The following LY75 variants were observed in gnomAD, a reference collection of about 807,000 sequenced individuals.
The protein encoded by LY75 is lymphocyte antigen 75.
Under a neutral mutation model 231.7 loss-of-function variants are expected in LY75, and 185 were observed. The observed-to-expected ratio is 0.80, with a 90% CI of 0.71 to 0.90. The LOEUF (loss-of-function observed/expected upper bound fraction) is 0.90. Among genes scored for constraint, LY75 ranks in the 40% least tolerant of loss-of-function variants. The probability of loss-of-function intolerance (pLI) is 0.00; values close to 1 mark genes in which losing one functional copy is unlikely to be tolerated. For missense variants in LY75, 1,947 were observed against 2,050.2 expected (o/e 0.95, Z 0.97); for synonymous variants, 668 against 689.0 (o/e 0.97, Z 0.48).
At position 159,853,260 on chromosome 2, in the gene LY75, G is replaced by T. The variant is rs760470985; in HGVS notation, c.2743+13C>A. 1.9e-6 allele frequency: 3 copies of T among 1,610,000 alleles called. No individual in the cohort carries two copies. Among genetic ancestry groups the T allele is most frequent in the Non-Finnish European group, 2.5e-6 (3 of 1,177,088 alleles). On this transcript the variant is annotated intron_variant, in intron 20 of 34. Coordinates refer to ENST00000263636, the MANE Select transcript of LY75 (RefSeq NM_002349.4). ...TACATAATCAGCATTAAAGGATTTAGAATTAACTTTACCGATAAGCCAAGT... is the reference window on the plus strand; with the variant it reads ...TACATAATCAGCATTAAAGGATTTATAATTAACTTTACCGATAAGCCAAGT...
intron 34 of LY75, among the ~76,000 whole-genome samples, chr2:159,805,961 C>T (rs1458846234): frequency 3.3e-5 from 5 of 152,184 alleles, no homozygotes; most frequent in Admixed American, 1.3e-4. Context: ...CTTCCCTGAG[C>T]GCTCAGCCAA....
In LY75 at chr2:159,904,647, C is replaced by T; in HGVS notation, c.36G>A (p.Ala12=). ...RTGWATPRRP[A]GLLMLLFWFF... ...ACCAGAAGAGCAGCATGAGGAGCCC[C>T]GCCGGGCGGCGAGGGGTCGCCCAGC... is the stretch of plus-strand genomic sequence containing the variant. The change falls in exon 1 of 35, where the codon GCG becomes GCA. Residue 12 remains alanine (A), a synonymous_variant. Transcript: ENST00000263636. 1.3e-6 allele frequency: 2 copies of T among 1,493,052 alleles called. No homozygotes were observed. Among genetic ancestry groups the T allele is most frequent in the Non-Finnish European group, 1.8e-6 (2 of 1,124,130 alleles). 92.5% of individuals were successfully genotyped at this position (1,493,052 alleles called of 1,614,324 possible).
intron 11 of LY75, among the ~76,000 whole-genome samples, chr2:159,877,028 A>AGAAAG (rs1553810528): frequency 8.5e-6 from 1 of 117,096 alleles, no homozygotes; most frequent in Non-Finnish European, 1.8e-5. Context: ...AAAAAAAAAA[A>AGAAAG]AAAAAAGAAA....
At chr2:159,817,957 G>A (rs1239121234) in intron 29 of LY75, among the ~76,000 whole-genome samples, 1 of 152,154 alleles carries the variant, frequency 6.6e-6, no homozygotes, top group African/African-American at 2.4e-5. Flanking sequence ...GCTGAGGCAG[G>A]AGAATCGCTG....
intron 33 of LY75, chr2:159,807,557 G>A: frequency 1.2e-6 from 1 of 850,800 alleles, no homozygotes; most frequent in Non-Finnish European, 1.4e-6. Context: ...GGAAGAGGAA[G>A]GGTGCAGGAA....
At chr2:159,852,090 T>C in intron 21 of LY75, 111 bp downstream of exon 21, 7 of 1,421,260 alleles carry the variant, frequency 4.9e-6, no homozygotes, top group Non-Finnish European at 6.6e-6. Context: ...TCCTGAAACA[T>C]GCAGAGTCTA....
intron 18 of LY75, 39 bp from the exon 19 acceptor site, chr2:159,853,736 A>G (rs768698980): frequency 6.2e-7 from 1 of 1,611,904 alleles, no homozygotes; most frequent in East Asian, 2.2e-5. Context: ...ATATGTGCTG[A>G]GCTTTCTTGA....
intron 26 of LY75, 41 bp from the exon 27 acceptor site, chr2:159,834,252 T>C (rs147863541): frequency 1.2e-6 from 2 of 1,608,236 alleles, no homozygotes; most frequent in Non-Finnish European, 1.7e-6. Context: ...ATTTGAGATA[T>C]AAATGTTAAA....
In LY75 at chr2:159,850,789, T is replaced by TATATATATATATATATATATATATATAA. The variant is rs796940571; in HGVS notation, c.2884-323_2884-322insTTATATATATATATATATATATATATAT. Among the ~76,000 whole-genome samples, 21 of 88,658 alleles carry TATATATATATATATATATATATATATAA rather than the reference T, an allele frequency of 2.4e-4. 1 individual carries two copies. The East Asian group carries it at 4.1e-3, about 17-fold the overall frequency. 58.2% of individuals were successfully genotyped at this position (88,658 alleles called of 152,430 possible). ...TCAAACTTTCATATATATATATATA[T>TATATATATATATATATATATATATATAA]ATATATATATTATATCTTATATATA... is the stretch of plus-strand genomic sequence containing the variant. On this transcript the variant is annotated intron_variant, in intron 21 of 34. Coordinates refer to ENST00000263636, the MANE Select transcript of LY75 (RefSeq NM_002349.4).
At chr2:159,869,614 A>G (rs143319508) in intron 13 of LY75, among the ~76,000 whole-genome samples, 3 of 152,342 alleles carry the variant, frequency 2.0e-5, no homozygotes, top group African/African-American at 7.2e-5. Flanking sequence ...AAACAACCCC[A>G]CATCCAGTCA....
At position 159,898,687 on chromosome 2, in the gene LY75, C is replaced by A; in HGVS notation, c.466+1G>T. On this transcript the variant is annotated splice_donor_variant, in intron 2 of 34. Coordinates refer to ENST00000263636, the MANE Select transcript of LY75 (RefSeq NM_002349.4). LOFTEE classifies it high-confidence loss of function. Reference sequence around the variant, plus strand: ...GGTCAAAGTCCCTCTCTAATACTCACCATGATAAGGCTGGTCACAAAGGCT... The same window carrying A: ...GGTCAAAGTCCCTCTCTAATACTCAACATGATAAGGCTGGTCACAAAGGCT... The A allele has an allele frequency of 1.2e-6, 2 of 1,608,820 alleles. No homozygotes were observed. The highest frequency in any genetic ancestry group is 1.7e-6 in the Non-Finnish European group (2 of 1,175,982).
intron 13 of LY75, among the ~76,000 whole-genome samples, chr2:159,871,427 A>C (rs1685008919): frequency 6.6e-6 from 1 of 152,182 alleles, no homozygotes; most frequent in Non-Finnish European, 1.5e-5. Flanking sequence ...TCTGTTGCAC[A>C]ATGAAAATGT....
chr2:159,893,021 T>TA (rs1213396359), intron 3 of LY75, among the ~76,000 whole-genome samples: 8 of 151,802 alleles, frequency 5.3e-5, no homozygotes, highest in Admixed American at 3.3e-4. Context: ...CTTTTTTAAA[T>TA]AAAAAAAAGC....
chr2:159,854,646 T>A, intron 17 of LY75, 111 bp from the exon 18 acceptor site: 1 of 1,335,482 alleles, frequency 7.5e-7, no homozygotes. Context: ...TTACCGGCCC[T>A]CTCTGGCTGG....
At chr2:159,824,028 A>C (rs1574531158) in intron 28 of LY75, among the ~76,000 whole-genome samples, 1 of 152,236 alleles carries the variant, frequency 6.6e-6, no homozygotes, top group Non-Finnish European at 1.5e-5. Flanking sequence ...CACTATGAAG[A>C]AACTGCATCA....
chr2:159,827,879 T>C (rs1683521899), intron 28 of LY75, among the ~76,000 whole-genome samples: 1 of 152,118 alleles, frequency 6.6e-6, no homozygotes, highest in Non-Finnish European at 1.5e-5. Context: ...ACACCGCATG[T>C]TCTCACTCAT....
chr2:159,846,653 T>A (rs1158342245), intron 23 of LY75, among the ~76,000 whole-genome samples: 3 of 152,222 alleles, frequency 2.0e-5, no homozygotes, highest in African/African-American at 7.2e-5. Flanking sequence ...AAAGGAAATA[T>A]ACAGATTTGA....
intron 28 of LY75, among the ~76,000 whole-genome samples, chr2:159,824,610 G>A (rs1683403347): frequency 6.6e-6 from 1 of 152,090 alleles, no homozygotes; most frequent in Admixed American, 6.5e-5. Flanking sequence ...TGGACCAAGT[G>A]GACCTAATAG....
intron 15 of LY75, among the ~76,000 whole-genome samples, chr2:159,859,264 A>G (rs1313394033): frequency 6.6e-6 from 1 of 152,216 alleles, no homozygotes; most frequent in African/African-American, 2.4e-5. Context: ...GACATGTACT[A>G]CACAGTTTAT....
Sources: allele counts gnomAD v4.1 joint callset (sites outside exome capture counted in the v4.1 genomes callset), GRCh38; gene constraint gnomAD v4.1.1; transcripts MANE v1.5; gene names NCBI Gene and HGNC (gene_info 2026-07-23, HGNC 2026-07-21).